Variants in RSRC1 observed in about 807,000 individuals in gnomAD.
RSRC1 encodes the protein arginine and serine rich coiled-coil 1.
In RSRC1, 39 loss-of-function variants were observed where a neutral mutation model predicts 49.1. The observed-to-expected ratio is 0.79, with a 90% CI of 0.61 to 1.04. The LOEUF (loss-of-function observed/expected upper bound fraction) is 1.04, where lower values mean the gene tolerates loss of function less well. Among genes scored for constraint, RSRC1 ranks in the 50% least tolerant of loss-of-function variants. The pLI, the probability that RSRC1 is intolerant of heterozygous loss-of-function variation, is 0.00. For synonymous variants in RSRC1, 143 were observed against 130.8 expected (o/e 1.09, Z -0.63); for missense variants, 388 against 402.4 (o/e 0.96, Z 0.31).
At chr3:158,347,331 A>G (rs1730610030) in intron 5 of RSRC1, among the ~76,000 whole-genome samples, 1 of 152,194 alleles carries the variant, frequency 6.6e-6, no homozygotes, top group Non-Finnish European at 1.5e-5. Context: ...TGTAGTGACA[A>G]GACTCTGTAA....
chr3:158,315,076 C>G (rs1349840699), intron 5 of RSRC1, among the ~76,000 whole-genome samples: 1 of 151,982 alleles, frequency 6.6e-6, no homozygotes, highest in African/African-American at 2.4e-5. Flanking sequence ...CTTTTAGACT[C>G]TGATACTGTG....
At chr3:158,201,210 G>A (rs1194789815) in intron 3 of RSRC1, among the ~76,000 whole-genome samples, 2 of 152,030 alleles carry the variant, frequency 1.3e-5, no homozygotes, top group Non-Finnish European at 2.9e-5. Flanking sequence ...TTTGATAAGA[G>A]GTCAGTAGCA....
intron 3 of RSRC1, among the ~76,000 whole-genome samples, chr3:158,185,105 C>T (rs1719850586): frequency 6.6e-6 from 1 of 151,780 alleles, no homozygotes. Flanking sequence ...CATTAGAAAA[C>T]ATGTTGATAC....
intron 3 of RSRC1, among the ~76,000 whole-genome samples, chr3:158,139,751 A>G (rs1233518028): frequency 6.6e-6 from 1 of 150,746 alleles, no homozygotes; most frequent in African/African-American, 2.4e-5. Context: ...CTCTTTCCTC[A>G]GCCTCCCGAG....
intron 4 of RSRC1, among the ~76,000 whole-genome samples, chr3:158,251,708 T>C (rs573136829): frequency 6.6e-6 from 1 of 152,316 alleles, no homozygotes; most frequent in East Asian, 1.9e-4. Flanking sequence ...GTTATTATAG[T>C]TTTTTGGTGG....
intron 6 of RSRC1, among the ~76,000 whole-genome samples, chr3:158,446,851 G>A (rs1736748728): frequency 6.6e-6 from 1 of 151,956 alleles, no homozygotes; most frequent in Non-Finnish European, 1.5e-5. Flanking sequence ...TTACCCTGGA[G>A]AGTAAATGCA....
chr3:158,464,091 T>A (rs1321887724), intron 7 of RSRC1, among the ~76,000 whole-genome samples: 1 of 152,174 alleles, frequency 6.6e-6, no homozygotes, highest in East Asian at 1.9e-4. Context: ...GGTTTCTTTC[T>A]TATTCTTTGA....
Position 158,388,162 on chromosome 3 carries a change from A to G in RSRC1, c.583+33254A>G, listed in dbSNP as rs369207868. Among the ~76,000 whole-genome samples the G allele has an allele frequency of 5.3e-5, 8 of 151,768 alleles. No individual in the cohort carries two copies. The East Asian group carries it at 7.7e-4, about 15-fold the overall frequency. ...GCTTTCTTTATTCATTTGAATATATATATATTTTATCAAACATTAATATTA... is the reference window on the plus strand; with the variant it reads ...GCTTTCTTTATTCATTTGAATATATGTATATTTTATCAAACATTAATATTA... On this transcript the variant is annotated intron_variant, in intron 6 of 9. Transcript: ENST00000611884.
intron 4 of RSRC1, among the ~76,000 whole-genome samples, chr3:158,262,380 CAA>C (rs1178985390): frequency 3.8e-4 from 58 of 152,048 alleles, no homozygotes; most frequent in African/African-American, 1.4e-3. Flanking sequence ...CATTTGTTGA[CAA>C]GAGTATATTG....
intron 7 of RSRC1, among the ~76,000 whole-genome samples, chr3:158,500,701 G>A (rs372844765): frequency 1.3e-5 from 2 of 152,100 alleles, no homozygotes; most frequent in Non-Finnish European, 2.9e-5. Context: ...TCACTGGTGT[G>A]AGTTTAATAT....
intron 6 of RSRC1, among the ~76,000 whole-genome samples, chr3:158,424,831 T>C (rs963627032): frequency 7.2e-5 from 11 of 152,288 alleles, no homozygotes; most frequent in African/African-American, 2.6e-4. Context: ...TCAAGGAATT[T>C]ATCCATTTCT....
At chr3:158,249,725 A>C (rs572971943) in intron 4 of RSRC1, among the ~76,000 whole-genome samples, 1 of 152,102 alleles carries the variant, frequency 6.6e-6, no homozygotes, top group South Asian at 2.1e-4. Flanking sequence ...ATATTAATGG[A>C]GTACATGAGA....
chr3:158,384,117 T>C (rs191297731), intron 6 of RSRC1, among the ~76,000 whole-genome samples: 69 of 152,282 alleles, frequency 4.5e-4, no homozygotes, highest in African/African-American at 1.6e-3. Context: ...TTTCGAAATA[T>C]GTCATACTCT....
chr3:158,357,777 G>A (rs1336077857), intron 6 of RSRC1, among the ~76,000 whole-genome samples: 5 of 152,134 alleles, frequency 3.3e-5, no homozygotes, highest in Admixed American at 1.3e-4. Flanking sequence ...GTTCACTTAG[G>A]TTCCTAGGAA....
At chr3:158,489,985 G>A (rs1738998924) in intron 7 of RSRC1, among the ~76,000 whole-genome samples, 1 of 152,184 alleles carries the variant, frequency 6.6e-6, no homozygotes, top group South Asian at 2.1e-4. Context: ...CATAAAGGGA[G>A]TTATTGAATA....
intron 3 of RSRC1, among the ~76,000 whole-genome samples, chr3:158,160,333 C>T (rs1350105092): frequency 6.6e-6 from 1 of 152,118 alleles, no homozygotes; most frequent in African/African-American, 2.4e-5. Flanking sequence ...TTCTGAATAA[C>T]TCAAATGATT....
chr3:158,474,042 G>C (rs141089493), intron 7 of RSRC1, among the ~76,000 whole-genome samples: 1 of 152,094 alleles, frequency 6.6e-6, no homozygotes, highest in Admixed American at 6.6e-5. Context: ...GCTTTGGTTG[G>C]AGTTTATTAA....
intron 3 of RSRC1, among the ~76,000 whole-genome samples, chr3:158,194,444 G>A (rs1044091604): frequency 1.3e-5 from 2 of 150,172 alleles, no homozygotes; most frequent in African/African-American, 2.4e-5. Context: ...GAACACCCAT[G>A]ACATTCTTCT....
chr3:158,417,457 A>G (rs1734805792), intron 6 of RSRC1, among the ~76,000 whole-genome samples: 1 of 151,990 alleles, frequency 6.6e-6, no homozygotes, highest in Admixed American at 6.6e-5. Flanking sequence ...TGTGGAAAAA[A>G]TCACACTGAG....
Sources: gnomAD v4.1 joint callset for allele counts (sites outside exome capture counted in the v4.1 genomes callset) on GRCh38, gnomAD v4.1.1 for gene constraint, MANE v1.5 for transcripts, NCBI Gene and HGNC (gene_info 2026-07-23, HGNC 2026-07-21) for gene names.